CACNA2D2: variants seen among roughly 807,000 people sequenced by gnomAD.
CACNA2D2 encodes voltage-dependent calcium channel subunit alpha-2/delta-2.
In CACNA2D2, 48 loss-of-function variants were observed where a neutral mutation model predicts 166.4. The observed-to-expected ratio is 0.29, with a 90% CI of 0.23 to 0.37. CACNA2D2 has a LOEUF of 0.37. Among genes scored for constraint, CACNA2D2 ranks in the 10% least tolerant of loss-of-function variants. CACNA2D2 has a pLI of 1.00. For synonymous variants in CACNA2D2, 561 were observed against 573.7 expected (o/e 0.98, Z 0.32); for missense variants, 1,122 against 1,433.0 (o/e 0.78, Z 3.50).
At chr3:50,392,060 ACAGGC>A (rs1416725894) in intron 4 of CACNA2D2, among the ~76,000 whole-genome samples, 1 of 152,182 alleles carries the variant, frequency 6.6e-6, no homozygotes, top group East Asian at 1.9e-4. Flanking sequence ...GAATTGTGGC[ACAGGC>A]CAGGTGCCTC....
intron 23 of CACNA2D2, 106 bp downstream of exon 23, chr3:50,370,214 A>C (rs1023772859): frequency 2.4e-5 from 19 of 778,644 alleles, no homozygotes; most frequent in Non-Finnish European, 4.0e-5. Context: ...GGGGGATGAC[A>C]CTGCACAGGA....
chr3:50,501,376 GC>G (rs1354215180), intron 1 of CACNA2D2, among the ~76,000 whole-genome samples: 1 of 147,304 alleles, frequency 6.8e-6, no homozygotes, highest in Non-Finnish European at 1.5e-5. Flanking sequence ...GAGCGGCACA[GC>G]CCCCACCCCA....
At chr3:50,443,890 G>A (rs141900820) in intron 2 of CACNA2D2, among the ~76,000 whole-genome samples, 199 of 152,336 alleles carry the variant, frequency 1.3e-3, no homozygotes, top group Non-Finnish European at 2.4e-3. Context: ...GGTGGGCCAG[G>A]GGGGACTCCC....
intron 2 of CACNA2D2, among the ~76,000 whole-genome samples, chr3:50,443,295 C>T (rs551174191): frequency 2.0e-4 from 30 of 152,352 alleles, no homozygotes; most frequent in Admixed American, 1.8e-3. Flanking sequence ...CGCTGCCTCC[C>T]CATCCAGTTG....
Position 50,427,690 on chromosome 3 carries a change from A to C in CACNA2D2, c.405+6623T>G, listed in dbSNP as rs979703590. 4.9e-4 allele frequency among the ~76,000 whole-genome samples: 75 copies of C among 152,344 alleles called. 2 individuals carry two copies. Among genetic ancestry groups the C allele is most frequent in the South Asian group, 4.1e-4 (2 of 4,822 alleles). On this transcript the variant is annotated intron_variant, in intron 3 of 37. Coordinates refer to ENST00000424201, the MANE Select transcript of CACNA2D2 (RefSeq NM_006030.4). This position sits in a 1 kb window ranked among gnomAD's most constrained non-coding sequence, Gnocchi z 4.7. ...TCCATCTACCATTACTGCACCTTTT[A>C]GAGCTTCCCTAGTGTGGAGTCAGAT... is the stretch of plus-strand genomic sequence containing the variant.
chr3:50,494,571 C>T (rs1210673004), intron 1 of CACNA2D2, among the ~76,000 whole-genome samples: 1 of 152,200 alleles, frequency 6.6e-6, no homozygotes, highest in South Asian at 2.1e-4. Context: ...CCCACAGAAA[C>T]CCAAGGAGTT....
intron 2 of CACNA2D2, among the ~76,000 whole-genome samples, chr3:50,474,078 TGGAG>T (rs1710209956): frequency 2.0e-5 from 3 of 152,064 alleles, no homozygotes; most frequent in Admixed American, 1.3e-4. Flanking sequence ...AGAGGGGAAG[TGGAG>T]CCACAGCCGG....
chr3:50,498,842 C>A (rs752183), intron 1 of CACNA2D2, among the ~76,000 whole-genome samples: 12,098 of 152,320 alleles, frequency 0.079, 721 homozygotes, highest in East Asian at 0.25. Context: ...CAGATGTCCC[C>A]AGCCCTCTGG....
intron 4 of CACNA2D2, among the ~76,000 whole-genome samples, chr3:50,388,611 C>A (rs1349076756): frequency 1.3e-5 from 2 of 152,210 alleles, no homozygotes; most frequent in South Asian, 2.1e-4. Context: ...GCACTCACAC[C>A]ACCAGCGCAG....
intron 4 of CACNA2D2, among the ~76,000 whole-genome samples, chr3:50,389,687 A>G (rs1311916555): frequency 6.6e-6 from 1 of 152,206 alleles, no homozygotes; most frequent in Non-Finnish European, 1.5e-5. Context: ...GCTGTTTCAC[A>G]GTCTTAGTGG....
chr3:50,429,555 AT>A (rs1312438913), intron 3 of CACNA2D2, among the ~76,000 whole-genome samples: 1 of 143,394 alleles, frequency 7.0e-6, no homozygotes, highest in Non-Finnish European at 1.5e-5. Flanking sequence ...GATCGAGACC[AT>A]CCTAACATGG....
intron 6 of CACNA2D2, 108 bp downstream of exon 6, chr3:50,384,088 A>G: frequency 7.4e-7 from 1 of 1,359,330 alleles, no homozygotes; most frequent in Non-Finnish European, 1.0e-6. Context: ...AGGAGGCTGG[A>G]GGTAGATGGC....
chr3:50,484,620 C>T (rs1199051240), intron 1 of CACNA2D2, among the ~76,000 whole-genome samples: 7 of 152,202 alleles, frequency 4.6e-5, no homozygotes, highest in Non-Finnish European at 2.9e-5. Flanking sequence ...CACACGTCAC[C>T]TGCTCCGTGA....
intron 2 of CACNA2D2, among the ~76,000 whole-genome samples, chr3:50,462,387 AAATAATAATAATAATAATAATAAT>A (rs55797246): frequency 1.5e-5 from 2 of 137,604 alleles, no homozygotes; most frequent in East Asian, 2.1e-4. Flanking sequence ...GACTGTCTCA[AAATAATAATAATAATAATAATAAT>A]AATAATAATA....
At chr3:50,468,854 A>T (rs1178451570) in intron 2 of CACNA2D2, among the ~76,000 whole-genome samples, 2 of 140,432 alleles carry the variant, frequency 1.4e-5, no homozygotes, top group African/African-American at 5.5e-5. Flanking sequence ...TTTGAGATAG[A>T]ATCTTACTCT....
chr3:50,406,632 T>A (rs1256687385), intron 3 of CACNA2D2, among the ~76,000 whole-genome samples: 1 of 151,504 alleles, frequency 6.6e-6, no homozygotes, highest in Non-Finnish European at 1.5e-5. Context: ...TCAGTGTTAC[T>A]CCCATCACCA....
At chr3:50,425,075 C>G (rs1575666674) in intron 3 of CACNA2D2, among the ~76,000 whole-genome samples, 2 of 152,160 alleles carry the variant, frequency 1.3e-5, no homozygotes, top group Non-Finnish European at 2.9e-5. Context: ...TGGCCGCTCC[C>G]AGGGCCATGC....
Position 50,381,073 on chromosome 3 carries a change from T to C in CACNA2D2, c.706A>G (p.Met236Val). The C allele has an allele frequency of 6.2e-7, 1 of 1,613,796 alleles. No homozygotes were observed. The highest frequency in any genetic ancestry group is 8.5e-7 in the Non-Finnish European group (1 of 1,179,898). ...NWTEALENVFMENRRQDPTLL... is the reference protein window; with the variant it reads ...NWTEALENVFVENRRQDPTLL... Reference sequence around the variant, plus strand: ...GTGGGGTCTTGTCTGCGGTTTTCCATGAACACATTCTCCAGGGCCTCTGTC... The same window carrying C: ...GTGGGGTCTTGTCTGCGGTTTTCCACGAACACATTCTCCAGGGCCTCTGTC... Residue 236 changes from methionine to valine, a missense_variant, in exon 7 of 38, where the codon ATG becomes GTG. Around this residue, in one of 2 missense-constraint regions of CACNA2D2, gnomAD observed 840 missense variants for 1,166.8 expected, o/e 0.72. Transcript: ENST00000424201.
At chr3:50,470,137 G>A (rs1404037900) in intron 2 of CACNA2D2, among the ~76,000 whole-genome samples, 2 of 152,230 alleles carry the variant, frequency 1.3e-5, no homozygotes, top group African/African-American at 4.8e-5. Context: ...TGCCCTGCCA[G>A]GACTCTAGGA....
Sources: allele counts gnomAD v4.1 joint callset (sites outside exome capture counted in the v4.1 genomes callset), GRCh38; gene constraint gnomAD v4.1.1; regional missense constraint gnomAD v4.1.1; non-coding constraint Gnocchi (gnomAD v3.1); transcripts MANE v1.5; gene names NCBI Gene and HGNC (gene_info 2026-07-23, HGNC 2026-07-21).